LOXL2: variants seen among roughly 807,000 people sequenced by gnomAD.
LOXL2 encodes lysyl oxidase like 2.
Under a neutral mutation model 93.0 loss-of-function variants are expected in LOXL2, and 70 were observed. That is an observed-to-expected ratio of 0.75 (90% confidence interval 0.62 to 0.92). The LOEUF (loss-of-function observed/expected upper bound fraction) is 0.92. LOXL2 is among the 40% of genes least tolerant of loss of function. The pLI is 0.00. For synonymous variants in LOXL2, 438 were observed against 413.2 expected (o/e 1.06, Z -0.73); for missense variants, 973 against 1,054.9 (o/e 0.92, Z 1.08).
At chr8:23,369,718 G>A (rs7463369) in intron 1 of LOXL2, among the ~76,000 whole-genome samples, 113,159 of 151,980 alleles carry the variant, frequency 0.74, 42,682 homozygotes, top group African/African-American at 0.85. Flanking sequence ...TGATGTCACC[G>A]GAGAGCCAGC....
At chr8:23,322,349 C>G in intron 6 of LOXL2, 68 bp from the exon 7 acceptor site, 11 of 1,449,786 alleles carry the variant, frequency 7.6e-6, no homozygotes, top group Non-Finnish European at 8.5e-6. Flanking sequence ...GGCAAGAAAG[C>G]CCTGGACAAT....
chr8:23,315,137 A>G (rs1161962520), intron 9 of LOXL2, among the ~76,000 whole-genome samples: 1 of 152,170 alleles, frequency 6.6e-6, no homozygotes, highest in Non-Finnish European at 1.5e-5. Context: ...CTTTGCAGTG[A>G]TGCTGTGTGG....
chr8:23,340,889 G>C, intron 4 of LOXL2, 103 bp downstream of exon 4: 1 of 1,081,902 alleles, frequency 9.2e-7, no homozygotes, highest in Non-Finnish European at 1.4e-6. Flanking sequence ...AGCTTGCCTG[G>C]CCATGCCTGG....
chr8:23,395,002 T>C (rs955880793), intron 1 of LOXL2, among the ~76,000 whole-genome samples: 4 of 152,292 alleles, frequency 2.6e-5, no homozygotes, highest in African/African-American at 9.6e-5. Context: ...CCGCCTGTAA[T>C]CCCAGCACTT....
At position 23,333,416 on chromosome 8, in the gene LOXL2, T is replaced by G. The variant is rs911668242; in HGVS notation, c.951A>C (p.Lys317Asn). ...CCGTCCTCACCTCTGGCTTGTACGCTTTCCGGAATCTTGAGGGTCCGTCAG... is the reference window on the plus strand; with the variant it reads ...CCGTCCTCACCTCTGGCTTGTACGCGTTCCGGAATCTTGAGGGTCCGTCAG... ...FSPDGPSRFRKAYKPEQPLVR... is the reference protein window; with the variant it reads ...FSPDGPSRFRNAYKPEQPLVR... Residue 317 changes from lysine (K) to asparagine (N), a missense_variant, in exon 5 of 14, where the codon AAA becomes AAC. By Grantham distance (94) the Lys-to-Asn change is moderately conservative. Transcript: ENST00000389131. 1 of 1,613,826 alleles carries G rather than the reference T, an allele frequency of 6.2e-7. No homozygotes were observed. Among genetic ancestry groups the G allele is most frequent in the Admixed American group, 1.7e-5 (1 of 60,018 alleles).
Position 23,351,422 on chromosome 8 carries a change from G to A in LOXL2, c.531+8668C>T, listed in dbSNP as rs1279526028. Among the ~76,000 whole-genome samples the A allele has an allele frequency of 3.3e-5, 5 of 152,118 alleles. No homozygotes were observed. The East Asian group carries it at 9.6e-4, about 29-fold the overall frequency. ...TCCTCCAGATAGCAACTGTCCCACAGGTTTCCTCATTCACCTCTCTCTTCT... is the reference window on the plus strand; with the variant it reads ...TCCTCCAGATAGCAACTGTCCCACAAGTTTCCTCATTCACCTCTCTCTTCT... On this transcript the variant is annotated intron_variant, in intron 3 of 13. Coordinates refer to ENST00000389131, the MANE Select transcript of LOXL2 (RefSeq NM_002318.3).
chr8:23,318,005 A>C (rs1256852699), intron 8 of LOXL2, among the ~76,000 whole-genome samples: 1 of 152,080 alleles, frequency 6.6e-6, no homozygotes, highest in Non-Finnish European at 1.5e-5. Context: ...TTTACGTGTC[A>C]ACTTGGCTAA....
chr8:23,391,735 G>A (rs183103169), intron 1 of LOXL2, among the ~76,000 whole-genome samples: 1 of 152,300 alleles, frequency 6.6e-6, no homozygotes, highest in African/African-American at 2.4e-5. Context: ...TTATAGGGAT[G>A]GGGCCCGTGG....
chr8:23,378,498 T>C (rs1361236507), intron 1 of LOXL2, among the ~76,000 whole-genome samples: 4 of 152,340 alleles, frequency 2.6e-5, no homozygotes, highest in East Asian at 1.9e-4. Flanking sequence ...CCCTGCTAGG[T>C]TGGGGAAGTT....
intron 8 of LOXL2, among the ~76,000 whole-genome samples, chr8:23,318,707 G>A (rs60853691): frequency 0.14 from 21,119 of 152,156 alleles, 2,481 homozygotes; most frequent in African/African-American, 0.32. Flanking sequence ...ATGTGGCACC[G>A]TTTTTCCACT....
At chr8:23,391,860 A>T (rs1208239580) in intron 1 of LOXL2, among the ~76,000 whole-genome samples, 6 of 152,134 alleles carry the variant, frequency 3.9e-5, no homozygotes, top group Non-Finnish European at 8.8e-5. Flanking sequence ...AGATGGTGGG[A>T]ATCCTGGGCT....
At chr8:23,319,438 G>A (rs1235906728) in intron 8 of LOXL2, among the ~76,000 whole-genome samples, 2 of 152,194 alleles carry the variant, frequency 1.3e-5, no homozygotes, top group Non-Finnish European at 1.5e-5. Context: ...ATGCCAGCGG[G>A]GAAACGTGTT....
intron 8 of LOXL2, among the ~76,000 whole-genome samples, chr8:23,318,741 C>T (rs2117156218): frequency 6.6e-6 from 1 of 152,314 alleles, no homozygotes. Context: ...TAGAGAGTGC[C>T]CTGGCTTGTC....
intron 1 of LOXL2, among the ~76,000 whole-genome samples, chr8:23,392,539 C>T (rs1804860833): frequency 6.6e-6 from 1 of 152,194 alleles, no homozygotes; most frequent in Non-Finnish European, 1.5e-5. Context: ...TTCTGGGCCT[C>T]TTTTTAAAGA....
chr8:23,303,387 T>G lies in LOXL2; in HGVS notation c.1891A>C (p.Ser631Arg). 1 of 1,600,658 alleles carries G rather than the reference T, an allele frequency of 6.2e-7. No individual in the cohort carries two copies. Among genetic ancestry groups the G allele is most frequent in the Non-Finnish European group, 8.6e-7 (1 of 1,168,074 alleles). ...TCATAGTGGGTGAACACCTCCATGC[T>G]GTGGTAGTGCCTGGAGCGAGAGAGA... ...IWHDCHRHYH[S>R]MEVFTHYDLL... The change falls in exon 11 of 14, where the codon AGC becomes CGC. Residue 631 changes from serine to arginine, a missense_variant. Ser to Arg is a moderately radical substitution (Grantham distance 110). Transcript: ENST00000389131.
At chr8:23,402,138 A>T (rs1417315225) in intron 1 of LOXL2, among the ~76,000 whole-genome samples, 1 of 152,216 alleles carries the variant, frequency 6.6e-6, no homozygotes, top group Non-Finnish European at 1.5e-5. Flanking sequence ...AGGTGTGCAC[A>T]CATGCACACA....
intron 1 of LOXL2, among the ~76,000 whole-genome samples, chr8:23,373,720 A>G (rs1381809914): frequency 7.9e-5 from 12 of 152,046 alleles, no homozygotes; most frequent in Admixed American, 7.9e-4. Context: ...AGGGACAGAG[A>G]AGTTTGATAA....
At chr8:23,347,902 C>T (rs1804020461) in intron 3 of LOXL2, among the ~76,000 whole-genome samples, 1 of 152,104 alleles carries the variant, frequency 6.6e-6, no homozygotes, top group Non-Finnish European at 1.5e-5. Flanking sequence ...GACACTTGCA[C>T]ATGTATGTTT....
intron 5 of LOXL2, among the ~76,000 whole-genome samples, chr8:23,329,508 C>G (rs1021611557): frequency 1.3e-5 from 2 of 151,188 alleles, no homozygotes; most frequent in Non-Finnish European, 2.9e-5. Flanking sequence ...TGTCCACATA[C>G]CCAGGTTTGC....
Sources: allele counts gnomAD v4.1 joint callset (sites outside exome capture counted in the v4.1 genomes callset), GRCh38; gene constraint gnomAD v4.1.1; transcripts MANE v1.5; gene names NCBI Gene and HGNC (gene_info 2026-07-23, HGNC 2026-07-21).